The following PIP5K1C variants were observed in gnomAD, a reference collection of about 807,000 sequenced individuals.
The protein encoded by PIP5K1C is phosphatidylinositol 4-phosphate 5-kinase type-1 gamma.
A neutral mutation model predicts 80.1 loss-of-function variants in PIP5K1C; 45 were observed. The observed-to-expected ratio is 0.56, with a 90% confidence interval of 0.44 to 0.72. The LOEUF (loss-of-function observed/expected upper bound fraction) is 0.72, where lower values mean the gene tolerates loss of function less well. Ranked by LOEUF, PIP5K1C falls within the 30% of genes least tolerant of loss-of-function variation. The pLI, the probability that PIP5K1C is intolerant of heterozygous loss-of-function variation, is 0.00. For missense variants in PIP5K1C, 753 were observed against 954.6 expected, an observed-to-expected ratio of 0.79 and a Z score of 2.78; for synonymous variants, 498 against 420.1, an observed-to-expected ratio of 1.19 and a Z score of -2.27.
Position 3,664,847 on chromosome 19 carries a change from G to A in PIP5K1C, c.194C>T (p.Ala65Val), listed in dbSNP as rs1270275329. 1.2e-6 allele frequency: 2 copies of A among 1,613,274 alleles called. No homozygotes were observed. The highest frequency in any genetic ancestry group is 2.2e-5 in the East Asian group (1 of 44,884). ...CTTCTTGTAGGTGGTTTCGCCGGAT[G>A]CGTCCACACCTCGATGGCCCAACTT... ...GKKLGHRGVD[A>V]SGETTYKKTT... Residue 65 changes from alanine (A) to valine (V), a missense_variant, in exon 3 of 18, where the codon GCA (alanine) becomes GTA (valine). Ala to Val is a moderately conservative substitution (Grantham distance 64). Around this residue, in one of 6 missense-constraint regions of PIP5K1C, gnomAD observed 139 missense variants for 289.7 expected, o/e 0.48. Coordinates refer to ENST00000335312, the MANE Select transcript of PIP5K1C (RefSeq NM_012398.3).
chr19:3,633,391 A>T (rs1271245275), intron 17 of PIP5K1C, 46 bp downstream of exon 17: 1 of 1,392,386 alleles, frequency 7.2e-7, no homozygotes, highest in East Asian at 2.4e-5. Context: ...GCTCAGTAGA[A>T]CCTTGGAGCC....
At chr19:3,641,903 A>G in intron 14 of PIP5K1C, 94 bp from the exon 15 acceptor site, 2 of 1,005,594 alleles carry the variant, frequency 2.0e-6, no homozygotes, top group Non-Finnish European at 3.0e-6. Flanking sequence ...CCAGTCCCAG[A>G]GGGGAGTTGG....
intron 1 of PIP5K1C, among the ~76,000 whole-genome samples, chr19:3,677,758 TGGA>T (rs2035409848): frequency 4.6e-5 from 2 of 43,844 alleles, no homozygotes; most frequent in Non-Finnish European, 4.5e-5. Flanking sequence ...GAGGGAGGGA[TGGA>T]GGATGGAGGA....
chr19:3,686,971 T>C (rs2145593877), intron 1 of PIP5K1C, among the ~76,000 whole-genome samples: 1 of 152,210 alleles, frequency 6.6e-6, no homozygotes, highest in South Asian at 2.1e-4. Context: ...GGCAGGTGGA[T>C]AGCCTAAGGT....
At chr19:3,695,283 C>T (rs1010377268) in intron 1 of PIP5K1C, among the ~76,000 whole-genome samples, 1 of 152,206 alleles carries the variant, frequency 6.6e-6, no homozygotes. Flanking sequence ...TGGCGGACCC[C>T]AGCGCCCAGG....
chr19:3,670,750 G>A (rs2035179258), intron 1 of PIP5K1C, among the ~76,000 whole-genome samples: 1 of 152,148 alleles, frequency 6.6e-6, no homozygotes, highest in South Asian at 2.1e-4. Context: ...ATGCCCTGCA[G>A]GGCTGGGTGG....
At chr19:3,685,282 C>A (rs1331139291) in intron 1 of PIP5K1C, among the ~76,000 whole-genome samples, 2 of 152,188 alleles carry the variant, frequency 1.3e-5, no homozygotes, top group Admixed American at 1.3e-4. Context: ...CCCTTGGCAG[C>A]AACTTCAATT....
intron 5 of PIP5K1C, among the ~76,000 whole-genome samples, chr19:3,657,545 G>A (rs1038283695): frequency 6.6e-6 from 1 of 152,132 alleles, no homozygotes; most frequent in Non-Finnish European, 1.5e-5. Flanking sequence ...CAGAAGGGTG[G>A]TCTCCGAGTG....
chr19:3,633,361 T>C lies in PIP5K1C; in HGVS notation c.2004+76A>G, dbSNP rs1413911960. 16 of 1,180,154 alleles carry C rather than the reference T, an allele frequency of 1.4e-5. No homozygotes were observed. In the South Asian group the frequency reaches 1.8e-4, roughly 13 times the overall value. 73.1% of individuals were successfully genotyped at this position (1,180,154 alleles called of 1,614,324 possible). ...CGCCCCGGGCCTCAGTCCCTGCCTA[T>C]CCCAGTAGCTGGGGACCACGCTCAG... On this transcript the variant is annotated intron_variant, in intron 17 of 17. Transcript: ENST00000335312.
chr19:3,656,176 G>A (rs923197941), intron 6 of PIP5K1C, among the ~76,000 whole-genome samples: 2 of 152,206 alleles, frequency 1.3e-5, no homozygotes, highest in Admixed American at 6.5e-5. Flanking sequence ...CCTGCCCGGG[G>A]ACGGCCCCCA....
intron 2 of PIP5K1C, among the ~76,000 whole-genome samples, chr19:3,666,731 G>A (rs1216775786): frequency 6.7e-6 from 1 of 149,774 alleles, no homozygotes; most frequent in African/African-American, 2.5e-5. Flanking sequence ...ACACACGCAC[G>A]CAGGCAAACA....
Position 3,648,751 on chromosome 19 carries a change from TGGGACTC to T in PIP5K1C, c.1128-50_1128-44del. 6.4e-7 allele frequency: 1 copy of T among 1,561,048 alleles called. No homozygotes were observed. Among genetic ancestry groups the T allele is most frequent in the Non-Finnish European group, 8.8e-7 (1 of 1,132,970 alleles). On this transcript the variant is annotated intron_variant, in intron 8 of 17. Transcript: ENST00000335312. This position sits in a 1 kb window ranked among gnomAD's most constrained non-coding sequence, Gnocchi z 4.3. The stretch of plus-strand genomic sequence containing the variant: ...GGGTACCATCAGCATCCCGCAGAGC[TGGGACTC>T]GGGGCAGGCGGGGCTGGGGACTCCA...
rs774704039 is a variant in PIP5K1C at position 3,633,481 on chromosome 19, A to G, written c.1960T>C (p.Tyr654His). The change falls in exon 17 of 18, where the codon TAT becomes CAT. Residue 654 changes from tyrosine to histidine, a missense_variant. By Grantham distance (83) the Tyr-to-His change is moderately conservative. Transcript: ENST00000335312. ...ERSWVYSPLH[Y>H]SAQAPPASDG... ...GAGGCCGGGGGGGCCTGGGCGCTAT[A>G]GTGGAGCGGGGAGTACACCCAGCTC... 3 of 1,513,004 alleles carry G rather than the reference A, an allele frequency of 2.0e-6. No individual in the cohort carries two copies. Among genetic ancestry groups the G allele is most frequent in the Non-Finnish European group, 1.8e-6 (2 of 1,127,898 alleles). 93.7% of individuals were successfully genotyped at this position (1,513,004 alleles called of 1,614,324 possible). A position where few individuals can be genotyped will look rare whatever the true frequency, so the allele number is the denominator to read the frequency against.
At chr19:3,685,586 C>T (rs541715820) in intron 1 of PIP5K1C, among the ~76,000 whole-genome samples, 2 of 152,096 alleles carry the variant, frequency 1.3e-5, no homozygotes, top group South Asian at 2.1e-4. Context: ...AAAAATTAGC[C>T]GGGTGTGGTG....
chr19:3,642,193 T>C (rs1468666332), intron 14 of PIP5K1C, among the ~76,000 whole-genome samples: 1 of 152,216 alleles, frequency 6.6e-6, no homozygotes, highest in South Asian at 2.1e-4. Context: ...CACGCTAGAC[T>C]GCAGGGAGGG....
intron 8 of PIP5K1C, 150 bp downstream of exon 8, chr19:3,651,676 C>A (rs560859136): frequency 1.3e-6 from 1 of 799,142 alleles, no homozygotes; most frequent in South Asian, 1.6e-5. Flanking sequence ...CGCTCTGAGG[C>A]GCTGGCACAA....
At chr19:3,667,468 G>A (rs1226103861) in intron 1 of PIP5K1C, 115 bp from the exon 2 acceptor site, 2 of 1,121,152 alleles carry the variant, frequency 1.8e-6, no homozygotes, top group African/African-American at 1.5e-5. Context: ...AACTCCGCGT[G>A]GGGCTGGTCT....
chr19:3,650,175 TAGTGCCAGCC>T (rs528244361), intron 8 of PIP5K1C, among the ~76,000 whole-genome samples: 317 of 152,292 alleles, frequency 2.1e-3, no homozygotes, highest in African/African-American at 7.2e-3. Flanking sequence ...GCTGGTGGCC[TAGTGCCAGCC>T]AGTGCCAGCC....
At chr19:3,680,978 T>C (rs1429020300) in intron 1 of PIP5K1C, among the ~76,000 whole-genome samples, 4 of 152,170 alleles carry the variant, frequency 2.6e-5, no homozygotes, top group Non-Finnish European at 4.4e-5. Flanking sequence ...GTGCCCAGGA[T>C]GGCCCTACCC....
Sources: allele counts gnomAD v4.1 joint callset (sites outside exome capture counted in the v4.1 genomes callset), GRCh38; gene constraint gnomAD v4.1.1; regional missense constraint gnomAD v4.1.1; non-coding constraint Gnocchi (gnomAD v3.1); transcripts MANE v1.5; gene names NCBI Gene and HGNC (gene_info 2026-07-23, HGNC 2026-07-21).